The following VPS28 variants were observed in gnomAD, a reference collection of about 807,000 sequenced individuals.
VPS28 encodes VPS28 subunit of ESCRT-I, also known as vacuolar protein sorting-associated protein 28 homolog.
A neutral mutation model predicts 33.7 loss-of-function variants in VPS28; 29 were observed. The ratio of observed to expected loss-of-function variants is 0.86; its 90% CI spans 0.64 to 1.17. The LOEUF is 1.17. VPS28 is among the 50% of genes most tolerant of loss of function. VPS28 has a pLI of 0.00. For missense variants in VPS28, 247 were observed against 312.2 expected, an observed-to-expected ratio of 0.79 and a Z score of 1.57; for synonymous variants, 164 against 116.7, an observed-to-expected ratio of 1.40 and a Z score of -2.61.
rs142499243 is a variant in VPS28, at chr8:144,426,189, C to T, written c.57G>A (p.Glu19=). The T allele has an allele frequency of 1.3e-4, 214 of 1,606,592 alleles. No individual in the cohort carries two copies. In the African/African-American group the frequency reaches 2.6e-3, roughly 19 times the overall value. ...GGCACCCACCACTCACCTCATACAG[C>T]TCCGGCTTGTTCCCAGGGGCTGCAA... ...PGIGAPGNKP[E]LYEEVKLYKN... The change falls in exon 3 of 10, where the codon GAG becomes GAA. Residue 19 remains glutamate, a synonymous_variant. Coordinates refer to ENST00000292510, the MANE Select transcript of VPS28 (RefSeq NM_016208.4).
intron 1 of VPS28, among the ~76,000 whole-genome samples, chr8:144,427,606 G>A (rs1186923026): frequency 2.6e-5 from 4 of 152,220 alleles, no homozygotes; most frequent in African/African-American, 9.6e-5. Context: ...CCGCCTTTAA[G>A]TAGGCATGAA....
In VPS28 at chr8:144,423,693, G is replaced by T; in HGVS notation, c.*112C>A. On this transcript the variant is annotated 3_prime_UTR_variant, in exon 10 of 10. Transcript: ENST00000292510. ...TGACACCAAAGACAGACACCAGACA[G>T]GCAGCTGCAGACAGTGAGTTGTGTG... is the stretch of plus-strand genomic sequence containing the variant. The T allele has an allele frequency of 7.3e-7, 1 of 1,369,872 alleles. No homozygotes were observed. The highest frequency in any genetic ancestry group is 1.0e-6 in the Non-Finnish European group (1 of 984,836). The allele number at this position is 1,369,872 out of a possible 1,614,324, so 84.9% of individuals were successfully genotyped here.
At chr8:144,428,263 TAACAGCGA>T (rs1444988695) in intron 1 of VPS28, among the ~76,000 whole-genome samples, 82 of 152,302 alleles carry the variant, frequency 5.4e-4, no homozygotes, top group African/African-American at 1.9e-3. Context: ...AGCTTCTGCC[TAACAGCGA>T]AAGCGGACGT....
chr8:144,425,112 C>G, intron 5 of VPS28, 61 bp from the exon 6 acceptor site: 1 of 1,469,324 alleles, frequency 6.8e-7, no homozygotes, highest in Admixed American at 2.0e-5. Flanking sequence ...CATCCTACCC[C>G]CTCGGCTGGT....
chr8:144,427,895 T>C (rs1822901384), intron 1 of VPS28, among the ~76,000 whole-genome samples: 2 of 150,742 alleles, frequency 1.3e-5, no homozygotes, highest in Non-Finnish European at 2.9e-5. Context: ...GGCAGTAAGA[T>C]AAACTCAGAC....
At chr8:144,424,403 G>A in intron 7 of VPS28, 135 bp from the exon 8 acceptor site, 1 of 1,213,192 alleles carries the variant, frequency 8.2e-7, no homozygotes, top group East Asian at 2.5e-5. Context: ...AACCCTGCAG[G>A]CCTCCTGGGT....
At chr8:144,426,089 G>A in intron 3 of VPS28, 26 bp from the exon 4 acceptor site, 2 of 1,556,358 alleles carry the variant, frequency 1.3e-6, no homozygotes, top group Non-Finnish European at 1.7e-6. Flanking sequence ...GGCTCTGTGG[G>A]CCAGTGCCAA....
rs782360854 is a variant in VPS28 at position 144,425,046 on chromosome 8, G to A, written c.200C>T (p.Thr67Ile). ...IKDCVSPSEY[T>I]AACSRLLVQY... ...GACCAGGAGCCGGGAGCAGGCTGCA[G>A]TGTACCTAGGGAGAGGTCAGCTGCT... The change falls in exon 6 of 10, where the codon ACT becomes ATT. Residue 67 changes from threonine to isoleucine, a missense_variant. By Grantham distance (89) the Thr-to-Ile change is moderately conservative. This residue lies in a region of VPS28 where 149 missense variants were observed against 172.8 expected (regional missense o/e 0.86). Coordinates refer to ENST00000292510, the MANE Select transcript of VPS28 (RefSeq NM_016208.4). The A allele has an allele frequency of 6.4e-7, 1 of 1,551,650 alleles. No individual in the cohort carries two copies. The highest frequency in any genetic ancestry group is 1.2e-5 in the South Asian group (1 of 84,098).
intron 1 of VPS28, among the ~76,000 whole-genome samples, chr8:144,427,452 C>T (rs1822853938): frequency 6.6e-6 from 1 of 152,116 alleles, no homozygotes; most frequent in Non-Finnish European, 1.5e-5. Flanking sequence ...AAGTGAGGTA[C>T]TATGGACACT....
At chr8:144,427,566 T>C (rs781874249) in intron 1 of VPS28, among the ~76,000 whole-genome samples, 2 of 152,064 alleles carry the variant, frequency 1.3e-5, no homozygotes, top group Non-Finnish European at 2.9e-5. Flanking sequence ...GAGGAGAGTT[T>C]GGGGCACAGG....
At chr8:144,424,324 G>A (rs377372349) in intron 7 of VPS28, 56 bp from the exon 8 acceptor site, 19 of 1,533,758 alleles carry the variant, frequency 1.2e-5, no homozygotes, top group Middle Eastern at 2.4e-4. Flanking sequence ...GAGGCCCCAC[G>A]GCTCACGGGC....
intron 1 of VPS28, among the ~76,000 whole-genome samples, chr8:144,428,279 C>A (rs1822949009): frequency 6.6e-6 from 1 of 152,268 alleles, no homozygotes; most frequent in Admixed American, 6.5e-5. Context: ...CGAAAGCGGA[C>A]GTTCTGCGGC....
chr8:144,426,140 C>T (rs1554876699), intron 3 of VPS28, 40 bp downstream of exon 3: 2 of 1,593,414 alleles, frequency 1.3e-6, no homozygotes, highest in Admixed American at 1.7e-5. Flanking sequence ...CAGGCATTTG[C>T]TGTTGGCCAA....
intron 1 of VPS28, among the ~76,000 whole-genome samples, chr8:144,428,062 C>T (rs1204939736): frequency 6.6e-6 from 1 of 151,748 alleles, no homozygotes; most frequent in Non-Finnish European, 1.5e-5. Flanking sequence ...CGCCGAAGCC[C>T]TGGGGCGCCC....
intron 9 of VPS28, 43 bp from the exon 10 acceptor site, chr8:144,423,965 G>A (rs954920926): frequency 1.2e-6 from 2 of 1,611,350 alleles, no homozygotes; most frequent in East Asian, 2.2e-5. Context: ...AGGGCCTCAG[G>A]GGCACTGCGG....
Position 144,423,641 on chromosome 8 carries a change from T to G in VPS28, c.*164A>C. On this transcript the variant is annotated 3_prime_UTR_variant, in exon 10 of 10. Coordinates refer to ENST00000292510, the MANE Select transcript of VPS28 (RefSeq NM_016208.4). ...GGAAGGTCGGAGAGCATCTTTATTG[T>G]GGGGAGGGGCCCGGCCCCCAAAGTT... 2.3e-6 allele frequency: 2 copies of G among 872,020 alleles called. No homozygotes were observed. The highest frequency in any genetic ancestry group is 2.3e-5 in the Admixed American group (1 of 44,250). The allele number at this position is 872,020 out of a possible 1,614,324, so 54.0% of individuals were successfully genotyped here.
intron 8 of VPS28, 25 bp downstream of exon 8, chr8:144,424,190 C>A (rs1822556603): frequency 6.3e-7 from 1 of 1,578,224 alleles, no homozygotes; most frequent in Non-Finnish European, 8.6e-7. Flanking sequence ...CCTGCCTAGG[C>A]CCCCTGCCAG....
intron 1 of VPS28, among the ~76,000 whole-genome samples, chr8:144,427,660 G>A (rs1367353850): frequency 6.6e-6 from 1 of 152,184 alleles, no homozygotes; most frequent in Non-Finnish European, 1.5e-5. Flanking sequence ...CTCGAAAGAG[G>A]GGGTCCTAGG....
chr8:144,424,254 G>T lies in VPS28; in HGVS notation c.417C>A (p.Val139=). The T allele has an allele frequency of 6.2e-7, 1 of 1,605,380 alleles. No individual in the cohort carries two copies. The highest frequency in any genetic ancestry group is 8.5e-7 in the Non-Finnish European group (1 of 1,174,892). ...IADVVSLFIT[V]MDKLRLEIRA... ...GGATCTCCAGACGCAGCTTGTCCAT[G>T]ACCGTGATGAAGAGCTGGGGGCAGG... Residue 139 remains valine, a synonymous_variant, in exon 8 of 10, where the codon GTC becomes GTA. Transcript: ENST00000292510.
Sources: gnomAD v4.1 joint callset for allele counts (sites outside exome capture counted in the v4.1 genomes callset) on GRCh38, gnomAD v4.1.1 for gene constraint, gnomAD v4.1.1 regional missense constraint, MANE v1.5 for transcripts, NCBI Gene and HGNC (gene_info 2026-07-23, HGNC 2026-07-21) for gene names.